The following NKD1 variants were observed in gnomAD, a reference collection of about 807,000 sequenced individuals.
NKD1 encodes the protein protein naked cuticle homolog 1.
NKD1 carries 21 observed loss-of-function variants against 56.0 expected under a neutral mutation model. The observed-to-expected ratio is 0.38, with a 90% confidence interval of 0.27 to 0.54. The LOEUF (loss-of-function observed/expected upper bound fraction) is 0.54. Ranked by LOEUF, NKD1 falls within the 20% of genes least tolerant of loss-of-function variation. The pLI, the probability that NKD1 is intolerant of heterozygous loss-of-function variation, is 0.82. For missense variants in NKD1, 578 were observed against 642.7 expected, an observed-to-expected ratio of 0.90 and a Z score of 1.09; for synonymous variants, 263 against 265.7, an observed-to-expected ratio of 0.99 and a Z score of 0.10.
chr16:50,619,430 G>A (rs1962037204), intron 4 of NKD1, among the ~76,000 whole-genome samples: 1 of 152,180 alleles, frequency 6.6e-6, no homozygotes, highest in South Asian at 2.1e-4. Flanking sequence ...CTGTGAAAGT[G>A]AGGCCATCAT....
intron 4 of NKD1, among the ~76,000 whole-genome samples, chr16:50,609,593 G>A (rs919774519): frequency 2.0e-5 from 3 of 152,198 alleles, no homozygotes; most frequent in African/African-American, 7.2e-5. Context: ...CCTGAGGACC[G>A]TGGCCACATC....
intron 3 of NKD1, among the ~76,000 whole-genome samples, chr16:50,569,654 G>C (rs1326199802): frequency 6.6e-6 from 1 of 152,182 alleles, no homozygotes. Flanking sequence ...TTAAGAGAAT[G>C]GGTGAGAAGC....
rs751057016 is a variant in NKD1, at chr16:50,633,255, G to T, written c.887G>T (p.Arg296Leu). 2 of 1,613,906 alleles carry T rather than the reference G, an allele frequency of 1.2e-6. No homozygotes were observed. The highest frequency in any genetic ancestry group is 2.2e-5 in the South Asian group (2 of 91,074). The change falls in exon 10 of 10, where the codon CGC becomes CTC. Residue 296 changes from arginine (R) to leucine (L), a missense_variant. Transcript: ENST00000268459. The surrounding 1 kb of genome is among the most constrained non-coding windows in gnomAD (Gnocchi z 4.9). The stretch of plus-strand genomic sequence containing the variant: ...CGCACCTCCAATCCCACTCGATCTC[G>T]CTCCCATGAGCCGGAAGCCATCCAC... ...PPRTSNPTRSRSHEPEAIHIP... is the reference protein window; with the variant it reads ...PPRTSNPTRSLSHEPEAIHIP...
rs1389749731 is a variant in NKD1, at chr16:50,633,020, G to T, written c.824-172G>T. Among the ~76,000 whole-genome samples, 1 of 152,048 alleles carries T rather than the reference G, an allele frequency of 6.6e-6. No individual in the cohort carries two copies. Among genetic ancestry groups the T allele is most frequent in the Non-Finnish European group, 1.5e-5 (1 of 68,018 alleles). On this transcript the variant is annotated intron_variant, in intron 9 of 9. Coordinates refer to ENST00000268459, the MANE Select transcript of NKD1 (RefSeq NM_033119.5). This position sits in a 1 kb window ranked among gnomAD's most constrained non-coding sequence, Gnocchi z 4.9. The stretch of plus-strand genomic sequence containing the variant: ...AAGAACCAGTTCTTCCCACTTAGCA[G>T]ATGGGAAAGTTCCATTTCAGAGAGT...
At chr16:50,619,866 T>TGA (rs971188671) in intron 4 of NKD1, among the ~76,000 whole-genome samples, 16 of 151,524 alleles carry the variant, frequency 1.1e-4, no homozygotes, top group Middle Eastern at 3.2e-3. Flanking sequence ...CTGGCCTCCA[T>TGA]GAGAGAGAGA....
chr16:50,591,043 G>A (rs1490522859), intron 3 of NKD1, among the ~76,000 whole-genome samples: 2 of 151,864 alleles, frequency 1.3e-5, no homozygotes, highest in Non-Finnish European at 2.9e-5. Flanking sequence ...GGCTGGTCTC[G>A]AACTCCTGAC....
chr16:50,587,470 G>T (rs1468228430), intron 3 of NKD1, among the ~76,000 whole-genome samples: 1 of 152,150 alleles, frequency 6.6e-6, no homozygotes, highest in African/African-American at 2.4e-5. Context: ...TATTACTTTG[G>T]GGGGAAAAGC....
chr16:50,619,457 C>T (rs890119680), intron 4 of NKD1, among the ~76,000 whole-genome samples: 8 of 152,272 alleles, frequency 5.3e-5, no homozygotes, highest in African/African-American at 1.9e-4. Flanking sequence ...ATTTTACAGA[C>T]AAGGGGACTG....
chr16:50,588,693 C>T (rs1475638933), intron 3 of NKD1, among the ~76,000 whole-genome samples: 2 of 145,428 alleles, frequency 1.4e-5, no homozygotes, highest in African/African-American at 2.5e-5. Flanking sequence ...ACCTCCACCT[C>T]CTGGGTTCAA....
At chr16:50,551,513 C>T (rs1354604476) in intron 3 of NKD1, among the ~76,000 whole-genome samples, 1 of 152,244 alleles carries the variant, frequency 6.6e-6, no homozygotes, top group Non-Finnish European at 1.5e-5. Context: ...CGGCCTCTGT[C>T]TCCTTGGGAG....
chr16:50,613,352 GCTC>G (rs918076719), intron 4 of NKD1, among the ~76,000 whole-genome samples: 3 of 152,114 alleles, frequency 2.0e-5, no homozygotes, highest in African/African-American at 7.2e-5. Context: ...CTCGGGCAAG[GCTC>G]CTCAATACAC....
chr16:50,633,130 G>C lies in NKD1; in HGVS notation c.824-62G>C. ...ACTGGGGGCGGGGGTGATGTCTGGG[G>C]TATAGCGCAAGCCCCAGCACACAGT... On this transcript the variant is annotated intron_variant, in intron 9 of 9. Coordinates refer to ENST00000268459, the MANE Select transcript of NKD1 (RefSeq NM_033119.5). This position sits in a 1 kb window ranked among gnomAD's most constrained non-coding sequence, Gnocchi z 4.9. The C allele has an allele frequency of 6.8e-7, 1 of 1,471,424 alleles. No individual in the cohort carries two copies. The highest frequency in any genetic ancestry group is 9.2e-7 in the Non-Finnish European group (1 of 1,089,002). 91.1% of individuals were successfully genotyped at this position (1,471,424 alleles called of 1,614,324 possible).
At chr16:50,622,736 C>T (rs1304789881) in intron 5 of NKD1, among the ~76,000 whole-genome samples, 2 of 151,470 alleles carry the variant, frequency 1.3e-5, no homozygotes, top group Non-Finnish European at 3.0e-5. Context: ...GGGTGCCCCT[C>T]TTTCTCACCA....
chr16:50,625,375 G>T, intron 5 of NKD1, 110 bp from the exon 6 acceptor site: 1 of 758,584 alleles, frequency 1.3e-6, no homozygotes, highest in Non-Finnish European at 2.3e-6. Flanking sequence ...TCTGGGGAGG[G>T]CAGAGGACAG....
intron 4 of NKD1, among the ~76,000 whole-genome samples, chr16:50,611,077 C>T (rs116157185): frequency 0.01 from 1,596 of 152,308 alleles, 29 homozygotes; most frequent in African/African-American, 0.034. Flanking sequence ...TCCAGGTAGT[C>T]GCAGCCTGCG....
intron 3 of NKD1, among the ~76,000 whole-genome samples, chr16:50,578,741 T>G (rs929818488): frequency 1.3e-5 from 2 of 152,116 alleles, no homozygotes; most frequent in Non-Finnish European, 2.9e-5. Context: ...CAGCCTGTAG[T>G]TCTCCTGGGC....
At chr16:50,572,301 C>T (rs1018164169) in intron 3 of NKD1, among the ~76,000 whole-genome samples, 3 of 152,122 alleles carry the variant, frequency 2.0e-5, no homozygotes, top group Admixed American at 1.3e-4. Flanking sequence ...TGTCACCCCT[C>T]TGGTGGCAGG....
intron 3 of NKD1, among the ~76,000 whole-genome samples, chr16:50,569,617 A>C (rs2151266275): frequency 6.6e-6 from 1 of 152,256 alleles, no homozygotes; most frequent in East Asian, 1.9e-4. Context: ...TAATAATAGA[A>C]CCCATATCCC....
chr16:50,597,057 G>A (rs1005244091), intron 3 of NKD1, among the ~76,000 whole-genome samples: 3 of 152,138 alleles, frequency 2.0e-5, no homozygotes, highest in Non-Finnish European at 2.9e-5. Context: ...ATGGGCTTTG[G>A]TGGGACTTTG....
Sources: allele counts gnomAD v4.1 joint callset (sites outside exome capture counted in the v4.1 genomes callset), GRCh38; gene constraint gnomAD v4.1.1; non-coding constraint Gnocchi (gnomAD v3.1); transcripts MANE v1.5; gene names NCBI Gene and HGNC (gene_info 2026-07-23, HGNC 2026-07-21).